Variants in SORBS2 observed in about 807,000 individuals in gnomAD.
SORBS2 encodes the protein sorbin and SH3 domain-containing protein 2.
In SORBS2, 46 loss-of-function variants were observed where a neutral mutation model predicts 97.7. That is an observed-to-expected ratio of 0.47 (90% CI 0.37 to 0.60). The LOEUF (loss-of-function observed/expected upper bound fraction) is 0.60. Among genes scored for constraint, SORBS2 ranks in the 20% least tolerant of loss-of-function variants. SORBS2 has a pLI of 0.00. For missense variants in SORBS2, 1,316 were observed against 1,282.3 expected (o/e 1.03, Z -0.40); for synonymous variants, 476 against 473.4 (o/e 1.01, Z -0.07).
chr4:185,657,603 A>G (rs2097429213), upstream of SORBS2: 1 of 1,585,592 alleles, frequency 6.3e-7, no homozygotes, highest in African/African-American at 1.4e-5. Flanking sequence ...GAATCTGCAC[A>G]GAAAATTTGG....
intron 1 of SORBS2, among the ~76,000 whole-genome samples, chr4:185,845,762 A>G (rs1561229286): frequency 6.6e-6 from 1 of 152,264 alleles, no homozygotes; most frequent in Non-Finnish European, 1.5e-5. Context: ...AGTTTTGAAC[A>G]GGTACTTTAA....
chr4:185,743,906 C>T (rs2098743232), intron 2 of SORBS2, among the ~76,000 whole-genome samples: 1 of 147,928 alleles, frequency 6.8e-6, no homozygotes, highest in African/African-American at 2.5e-5. Flanking sequence ...TCTTCTCCTT[C>T]TCCTTCTTCT....
intron 1 of SORBS2, among the ~76,000 whole-genome samples, chr4:185,934,066 G>A (rs561630000): frequency 1.4e-4 from 21 of 152,208 alleles, no homozygotes; most frequent in African/African-American, 4.3e-4. Flanking sequence ...AGACACATCC[G>A]TCAACTTTTC....
intron 2 of SORBS2, among the ~76,000 whole-genome samples, chr4:185,683,221 T>C (rs1265508520): frequency 7.7e-6 from 1 of 129,994 alleles, no homozygotes; most frequent in African/African-American, 3.3e-5. Context: ...TCCTAAAGTG[T>C]GAAATGTTTT....
intron 7 of SORBS2, among the ~76,000 whole-genome samples, chr4:185,620,981 C>T (rs917006205): frequency 1.3e-5 from 2 of 152,072 alleles, no homozygotes; most frequent in African/African-American, 4.8e-5. Context: ...TATCTTATAC[C>T]TTTTGCACTT....
At position 185,721,203 on chromosome 4, in the gene SORBS2, T is replaced by C. The variant is rs368891418; in HGVS notation, c.-197-42381A>G. Among the ~76,000 whole-genome samples, 38 of 149,564 alleles carry C rather than the reference T, an allele frequency of 2.5e-4. 1 individual carries two copies. The East Asian group carries it at 5.1e-3, about 20-fold the overall frequency. On this transcript the variant is annotated intron_variant, in intron 2 of 20. Transcript: ENST00000284776. ...GATTCTCCTGCCTCAGCCTCCTGAGTAGTTGGGATTATAGGTGCCTGCCAC... is the reference window on the plus strand; with the variant it reads ...GATTCTCCTGCCTCAGCCTCCTGAGCAGTTGGGATTATAGGTGCCTGCCAC...
chr4:185,802,795 T>C (rs1277455083), intron 1 of SORBS2, among the ~76,000 whole-genome samples: 1 of 152,188 alleles, frequency 6.6e-6, no homozygotes, highest in Non-Finnish European at 1.5e-5. Context: ...GATGAAATTC[T>C]GATTTTATTT....
chr4:185,717,985 A>C (rs1369964645), intron 2 of SORBS2, among the ~76,000 whole-genome samples: 1 of 152,204 alleles, frequency 6.6e-6, no homozygotes, highest in South Asian at 2.1e-4. Flanking sequence ...TCACGCCTGC[A>C]ACCCCGACAC....
intron 1 of SORBS2, among the ~76,000 whole-genome samples, chr4:185,941,724 A>T (rs147333808): frequency 6.6e-6 from 1 of 152,212 alleles, no homozygotes; most frequent in East Asian, 1.9e-4. Flanking sequence ...CCAATCTTGC[A>T]TAACACATTT....
chr4:185,906,353 G>A (rs1359752392), intron 1 of SORBS2, among the ~76,000 whole-genome samples: 2 of 152,254 alleles, frequency 1.3e-5, no homozygotes, highest in East Asian at 3.9e-4. Context: ...TATAAGTAAT[G>A]ATTTGCTTTA....
chr4:185,652,571 G>GACATTGTGTGTGAATCA, intron 2 of SORBS2, 91 bp downstream of exon 10: 1 of 1,002,394 alleles, frequency 1.0e-6, no homozygotes, highest in Admixed American at 1.7e-5. Context: ...CTGGGGTCTT[G>GACATTGTGTGTGAATCA]ACATTGTGTG....
upstream of SORBS2, among the ~76,000 whole-genome samples, chr4:185,659,450 TCA>T (rs200524542): frequency 0.16 from 24,457 of 151,400 alleles, 2,098 homozygotes; most frequent in East Asian, 0.25. Flanking sequence ...GGAGTCTTGC[TCA>T]GTCACCCAGG....
chr4:185,642,750 G>A (rs1197647754), intron 4 of SORBS2, among the ~76,000 whole-genome samples: 1 of 152,114 alleles, frequency 6.6e-6, no homozygotes, highest in African/African-American at 2.4e-5. Flanking sequence ...TCTTTGCCAG[G>A]GTCTTGGGAA....
intron 2 of SORBS2, among the ~76,000 whole-genome samples, chr4:185,763,167 TGACAGAGAGA>T (rs1245274676): frequency 6.6e-6 from 1 of 151,648 alleles, no homozygotes; most frequent in African/African-American, 2.4e-5. Flanking sequence ...CCAGCCTGGG[TGACAGAGAGA>T]GACTCTCTCA....
Position 185,615,241 on chromosome 4 carries a change from T to C in SORBS2, c.2352-82A>G, listed in dbSNP as rs893359633. On this transcript the variant is annotated intron_variant, in intron 9 of 14. Transcript: ENST00000418609. ...TCAACACCCTCGCTAGATCTGCATT[T>C]GTTTGGCAAATATACTTACAATATT... The C allele has an allele frequency of 2.2e-5, 18 of 837,018 alleles. No individual in the cohort carries two copies. In the African/African-American group the frequency reaches 3.0e-4, roughly 14 times the overall value. The allele number at this position is 837,018 out of a possible 1,614,324, so 51.8% of individuals were successfully genotyped here.
intron 1 of SORBS2, among the ~76,000 whole-genome samples, chr4:185,940,001 C>T (rs990931985): frequency 2.6e-5 from 4 of 152,228 alleles, no homozygotes; most frequent in Non-Finnish European, 4.4e-5. Flanking sequence ...GAGCCGCACC[C>T]TCTTGAAGCG....
At position 185,623,335 on chromosome 4, in the gene SORBS2, A is replaced by G. The variant is rs774299050; in HGVS notation, c.1794T>C (p.Leu598=). The change falls in exon 7 of 15, where the codon CTT becomes CTC. Residue 598 remains leucine (L), a synonymous_variant. Coordinates refer to ENST00000418609, the Ensembl canonical transcript of SORBS2. The surrounding 1 kb of genome is among the most constrained non-coding windows in gnomAD (Gnocchi z 6.4). ...GACTGACTAGAAAAGCAAGTTTAGA[A>G]AGGCCAGGGTCCATTTCTTGCCTTC... The G allele has an allele frequency of 1.2e-6, 2 of 1,614,034 alleles. No homozygotes were observed. Among genetic ancestry groups the G allele is most frequent in the South Asian group, 1.1e-5 (1 of 91,080 alleles).
At position 185,910,919 on chromosome 4, in the gene SORBS2, G is replaced by A. The variant is rs2099254650; in HGVS notation, c.-338+45277C>T. Among the ~76,000 whole-genome samples the A allele has an allele frequency of 5.3e-5, 8 of 151,792 alleles. No individual in the cohort carries two copies. The South Asian group carries it at 1.7e-3, about 32-fold the overall frequency. On this transcript the variant is annotated intron_variant, in intron 1 of 20. Transcript: ENST00000284776. ...CTTTTCTCAGGTGCGTGGTTTCAGAGTAGGACTCGTTTCTTATATACAATG... is the reference window on the plus strand; with the variant it reads ...CTTTTCTCAGGTGCGTGGTTTCAGAATAGGACTCGTTTCTTATATACAATG...
At chr4:185,898,005 C>G (rs1309997526) in intron 1 of SORBS2, among the ~76,000 whole-genome samples, 1 of 152,316 alleles carries the variant, frequency 6.6e-6, no homozygotes, top group East Asian at 1.9e-4. Flanking sequence ...CCACTGCACT[C>G]TAGCCTGGGC....
Sources: allele counts gnomAD v4.1 joint callset (sites outside exome capture counted in the v4.1 genomes callset), GRCh38; gene constraint gnomAD v4.1.1; non-coding constraint Gnocchi (gnomAD v3.1); transcripts MANE v1.5; gene names NCBI Gene and HGNC (gene_info 2026-07-23, HGNC 2026-07-21).